Variants in CATSPERE observed in about 807,000 individuals in gnomAD.
CATSPERE encodes cation channel sperm-associated auxiliary subunit epsilon.
A neutral mutation model predicts 114.1 loss-of-function variants in CATSPERE; 93 were observed. The ratio of observed to expected loss-of-function variants is 0.81; its 90% CI spans 0.69 to 0.97. The LOEUF is 0.97. CATSPERE is among the 50% of genes least tolerant of loss of function. The pLI is 0.00. For missense variants in CATSPERE, 1,058 were observed against 1,131.6 expected, an observed-to-expected ratio of 0.93 and a Z score of 0.93; for synonymous variants, 341 against 384.1, an observed-to-expected ratio of 0.89 and a Z score of 1.31.
intron 1 of CATSPERE, among the ~76,000 whole-genome samples, chr1:244,462,125 C>T (rs1006780059): frequency 1.3e-5 from 2 of 152,188 alleles, no homozygotes; most frequent in African/African-American, 4.8e-5. Flanking sequence ...AGCTATCGCG[C>T]CCCGGCCCCT....
intron 10 of CATSPERE, among the ~76,000 whole-genome samples, chr1:244,565,407 T>A (rs1030484098): frequency 6.6e-6 from 1 of 152,222 alleles, no homozygotes; most frequent in Non-Finnish European, 1.5e-5. Flanking sequence ...AGGCTATTCA[T>A]TACTGTCTCA....
intron 10 of CATSPERE, among the ~76,000 whole-genome samples, chr1:244,570,283 C>T (rs1664242235): frequency 6.6e-6 from 1 of 152,094 alleles, no homozygotes; most frequent in African/African-American, 2.4e-5. Context: ...TTATCTTCCT[C>T]ATTTATAATA....
chr1:244,613,391 A>G (rs905311885), intron 19 of CATSPERE, among the ~76,000 whole-genome samples: 1 of 152,246 alleles, frequency 6.6e-6, no homozygotes, highest in African/African-American at 2.4e-5. Flanking sequence ...CAACGGCAAG[A>G]AATGCTAGAA....
At chr1:244,522,706 A>C (rs977031783) in intron 8 of CATSPERE, among the ~76,000 whole-genome samples, 10 of 152,022 alleles carry the variant, frequency 6.6e-5, no homozygotes, top group African/African-American at 2.2e-4. Flanking sequence ...ACTACAAACA[A>C]CTCTACGCAA....
chr1:244,613,218 A>G (rs1670963769), intron 19 of CATSPERE, among the ~76,000 whole-genome samples: 1 of 152,194 alleles, frequency 6.6e-6, no homozygotes. Context: ...TGGTAGGACA[A>G]GTTTCACAGT....
At chr1:244,509,394 T>C (rs1350949483) in intron 7 of CATSPERE, among the ~76,000 whole-genome samples, 3 of 152,216 alleles carry the variant, frequency 2.0e-5, no homozygotes, top group Non-Finnish European at 4.4e-5. Flanking sequence ...GATTTGCATA[T>C]GTTGAACCAC....
intron 15 of CATSPERE, among the ~76,000 whole-genome samples, chr1:244,592,778 G>A (rs1280203634): frequency 6.6e-6 from 1 of 152,178 alleles, no homozygotes; most frequent in Non-Finnish European, 1.5e-5. Context: ...TGAAAGGCAA[G>A]AATATGAAAT....
At chr1:244,631,121 G>C (rs1286033238) in intron 20 of CATSPERE, among the ~76,000 whole-genome samples, 2 of 152,090 alleles carry the variant, frequency 1.3e-5, no homozygotes, top group Non-Finnish European at 2.9e-5. Context: ...TGTTGAGATG[G>C]AGCGTGATAA....
At chr1:244,637,346 C>T (rs1241119406) in intron 21 of CATSPERE, among the ~76,000 whole-genome samples, 1 of 152,152 alleles carries the variant, frequency 6.6e-6, no homozygotes. Context: ...CAAGCCCCAC[C>T]ATCAGTGTTC....
chr1:244,636,756 T>A (rs1193221864), intron 21 of CATSPERE: 1 of 152,396 alleles, frequency 6.6e-6, no homozygotes, highest in African/African-American at 2.4e-5. Context: ...GGTTAGTGAC[T>A]GTAGGTTAGC....
In CATSPERE at chr1:244,605,722, C is replaced by G. The variant is rs754905441; in HGVS notation, c.2331C>G (p.Asp777Glu). 6.2e-7 allele frequency: 1 copy of G among 1,612,254 alleles called. No homozygotes were observed. Among genetic ancestry groups the G allele is most frequent in the South Asian group, 1.1e-5 (1 of 91,004 alleles). Residue 777 changes from aspartate (D) to glutamate (E), a missense_variant, in exon 18 of 22, where the codon GAC becomes GAG. By Grantham distance (45) the Asp-to-Glu change is conservative. Around this residue, in one of 2 missense-constraint regions of CATSPERE, gnomAD observed 787 missense variants for 905.6 expected, o/e 0.87. Coordinates refer to ENST00000366534, the MANE Select transcript of CATSPERE (RefSeq NM_001130957.2). ...QLFDDNGYVKDVEANFIVWEI... is the reference protein window; with the variant it reads ...QLFDDNGYVKEVEANFIVWEI... Reference sequence around the variant, plus strand: ...TTGATGATAATGGCTATGTTAAAGACGTTGAAGCAAATTTCATAGTGTGGG... The same window carrying G: ...TTGATGATAATGGCTATGTTAAAGAGGTTGAAGCAAATTTCATAGTGTGGG...
At chr1:244,467,781 G>T (rs530989384) in intron 2 of CATSPERE, among the ~76,000 whole-genome samples, 1 of 152,160 alleles carries the variant, frequency 6.6e-6, no homozygotes, top group African/African-American at 2.4e-5. Context: ...GAAAATAAGT[G>T]CATTGTGTCT....
Position 244,593,553 on chromosome 1 carries a change from GA to G in CATSPERE, c.2282del (p.Lys761SerfsTer23). The G allele has an allele frequency of 6.2e-7, 1 of 1,613,938 alleles. No homozygotes were observed. Among genetic ancestry groups the G allele is most frequent in the South Asian group, 1.1e-5 (1 of 91,066 alleles). The part of the protein sequence containing the change: ...YGCPLRLDFT[E>X]KFQPVVQLFD... The stretch of plus-strand genomic sequence containing the variant: ...CTGCCCTCTGAGGCTTGACTTCACA[GA>G]AAAGTTTCAACCTGTGGTTCAACTG... On this transcript the variant is annotated frameshift_variant, in exon 17 of 22. Coordinates refer to ENST00000366534, the MANE Select transcript of CATSPERE (RefSeq NM_001130957.2). LOFTEE classifies it high-confidence loss of function.
intron 1 of CATSPERE, among the ~76,000 whole-genome samples, chr1:244,463,024 T>C (rs1283333628): frequency 6.6e-6 from 1 of 152,194 alleles, no homozygotes; most frequent in Non-Finnish European, 1.5e-5. Flanking sequence ...ATTTGAAATA[T>C]AGCCCAAATT....
chr1:244,499,000 A>G lies in CATSPERE; in HGVS notation c.352-2A>G. The G allele has an allele frequency of 1.2e-6, 2 of 1,608,156 alleles. No individual in the cohort carries two copies. The highest frequency in any genetic ancestry group is 1.7e-6 in the Non-Finnish European group (2 of 1,175,840). ...GAAATGCAAACAAATTTTATTTTCT[A>G]GCTTATCACTGTGTGGGCATATGAT... is the stretch of plus-strand genomic sequence containing the variant. On this transcript the variant is annotated splice_acceptor_variant, in intron 6 of 21. Coordinates refer to ENST00000366534, the MANE Select transcript of CATSPERE (RefSeq NM_001130957.2). LOFTEE classifies it high-confidence loss of function.
At chr1:244,462,159 C>G (rs899133016) in intron 1 of CATSPERE, among the ~76,000 whole-genome samples, 1 of 152,152 alleles carries the variant, frequency 6.6e-6, no homozygotes. Context: ...TTCCTCTCAC[C>G]TTGTGCAGCC....
chr1:244,489,751 G>T (rs907141936), intron 5 of CATSPERE, among the ~76,000 whole-genome samples: 5 of 151,982 alleles, frequency 3.3e-5, no homozygotes, highest in Admixed American at 3.3e-4. Flanking sequence ...TCAGAAGGGA[G>T]AAAACTTTAA....
intron 17 of CATSPERE, among the ~76,000 whole-genome samples, chr1:244,603,093 G>A (rs1669496845): frequency 6.6e-6 from 1 of 152,098 alleles, no homozygotes; most frequent in South Asian, 2.1e-4. Flanking sequence ...GTTGTAGTGT[G>A]TCTGCCTCTG....
At chr1:244,502,198 G>C (rs368634357) in intron 7 of CATSPERE, among the ~76,000 whole-genome samples, 5 of 152,038 alleles carry the variant, frequency 3.3e-5, no homozygotes, top group Admixed American at 6.5e-5. Context: ...GAAATGCTTT[G>C]TTTTACAATG....
Sources: gnomAD v4.1 joint callset for allele counts (sites outside exome capture counted in the v4.1 genomes callset) on GRCh38, gnomAD v4.1.1 for gene constraint, gnomAD v4.1.1 regional missense constraint, MANE v1.5 for transcripts, NCBI Gene and HGNC (gene_info 2026-07-23, HGNC 2026-07-21) for gene names.